The following NHSL1 variants were observed in gnomAD, a reference collection of about 807,000 sequenced individuals.
The protein encoded by NHSL1 is NHS like 1, also known as NHS-like protein 1.
A neutral mutation model predicts 95.0 loss-of-function variants in NHSL1; 48 were observed. The ratio of observed to expected loss-of-function variants is 0.51; its 90% CI spans 0.40 to 0.64. The LOEUF (loss-of-function observed/expected upper bound fraction) is 0.64. Ranked by LOEUF, NHSL1 falls within the 30% of genes least tolerant of loss-of-function variation. The probability of loss-of-function intolerance (pLI) is 0.00; values close to 1 mark genes in which losing one functional copy is unlikely to be tolerated. For synonymous variants in NHSL1, 783 were observed against 833.9 expected, an observed-to-expected ratio of 0.94 and a Z score of 1.05; for missense variants, 1,971 against 2,077.7, an observed-to-expected ratio of 0.95 and a Z score of 1.00.
chr6:138,629,631 C>A (rs1784790335), intron 1 of NHSL1, among the ~76,000 whole-genome samples: 1 of 152,236 alleles, frequency 6.6e-6, no homozygotes. Context: ...GATCCACCCA[C>A]CTTGGCCTCC....
intron 4 of NHSL1, among the ~76,000 whole-genome samples, chr6:138,445,609 G>T (rs1160146197): frequency 2.6e-5 from 4 of 152,118 alleles, no homozygotes; most frequent in Non-Finnish European, 5.9e-5. Flanking sequence ...TTTAAAATAT[G>T]AGTTCTAAAT....
chr6:138,593,702 T>G (rs183606151), intron 1 of NHSL1, among the ~76,000 whole-genome samples: 170 of 152,292 alleles, frequency 1.1e-3, no homozygotes, highest in African/African-American at 4.0e-3. Context: ...ATGGGACCTT[T>G]TAAATATTTA....
intron 1 of NHSL1, among the ~76,000 whole-genome samples, chr6:138,595,488 A>T (rs1158961193): frequency 2.0e-5 from 3 of 152,186 alleles, no homozygotes; most frequent in Non-Finnish European, 4.4e-5. Context: ...AGGTGGGAGG[A>T]TCACTTGTGC....
chr6:138,469,256 G>A (rs879309477), intron 3 of NHSL1, among the ~76,000 whole-genome samples: 7 of 152,122 alleles, frequency 4.6e-5, no homozygotes, highest in Middle Eastern at 3.2e-3. Context: ...CGTACTATGC[G>A]GATGCACACA....
upstream of NHSL1, among the ~76,000 whole-genome samples, chr6:138,573,619 T>C (rs545950928): frequency 4.6e-5 from 7 of 152,310 alleles, no homozygotes; most frequent in Non-Finnish European, 1.0e-4. Flanking sequence ...AGGCAGTTCA[T>C]ATTACACCAT....
At chr6:138,581,490 G>C (rs1006777743) in intron 1 of NHSL1, among the ~76,000 whole-genome samples, 1 of 151,730 alleles carries the variant, frequency 6.6e-6, no homozygotes, top group African/African-American at 2.4e-5. Flanking sequence ...TCAGAAGTTC[G>C]AGACCAGCCT....
intron 1 of NHSL1, among the ~76,000 whole-genome samples, chr6:138,536,576 T>C (rs1782353056): frequency 6.7e-6 from 1 of 148,876 alleles, no homozygotes; most frequent in South Asian, 2.2e-4. Flanking sequence ...ATAGATTCCG[T>C]GGTTTTGGAG....
At chr6:138,496,735 G>C (rs1780376762) in intron 1 of NHSL1, among the ~76,000 whole-genome samples, 1 of 152,122 alleles carries the variant, frequency 6.6e-6, no homozygotes, top group African/African-American at 2.4e-5. Flanking sequence ...ACAAATAGCA[G>C]TTACTCAACT....
intron 1 of NHSL1, 71 bp from the exon 2 acceptor site, chr6:138,496,442 G>T: frequency 6.8e-7 from 1 of 1,460,432 alleles, no homozygotes; most frequent in Non-Finnish European, 9.4e-7. Context: ...ATCATGATGT[G>T]TTTCCATGTC....
chr6:138,467,960 C>T (rs933435645), intron 3 of NHSL1, among the ~76,000 whole-genome samples: 1 of 152,166 alleles, frequency 6.6e-6, no homozygotes, highest in Non-Finnish European at 1.5e-5. Flanking sequence ...GTTGCCCAGG[C>T]TAGTCTTGAA....
intron 1 of NHSL1, among the ~76,000 whole-genome samples, chr6:138,525,576 TAAA>T (rs895301781): frequency 7.4e-6 from 1 of 136,040 alleles, no homozygotes; most frequent in African/African-American, 2.7e-5. Flanking sequence ...AATAAATAAA[TAAA>T]AAGGGAAAGA....
intron 3 of NHSL1, among the ~76,000 whole-genome samples, chr6:138,465,880 T>C (rs990192314): frequency 2.3e-4 from 35 of 151,442 alleles, no homozygotes; most frequent in African/African-American, 8.5e-4. Flanking sequence ...CCTGCCACCA[T>C]GCCCAGCTAA....
At chr6:138,607,463 C>T (rs1021122488) in intron 1 of NHSL1, among the ~76,000 whole-genome samples, 1 of 152,154 alleles carries the variant, frequency 6.6e-6, no homozygotes, top group Non-Finnish European at 1.5e-5. Context: ...AATATTATAG[C>T]AATGTAATTT....
intron 1 of NHSL1, among the ~76,000 whole-genome samples, chr6:138,513,550 A>C (rs1471100443): frequency 6.6e-6 from 1 of 151,936 alleles, no homozygotes; most frequent in Non-Finnish European, 1.5e-5. Context: ...TTGAAATTGG[A>C]TTTTATTTTC....
At chr6:138,468,206 G>A (rs935089254) in intron 3 of NHSL1, among the ~76,000 whole-genome samples, 2 of 152,202 alleles carry the variant, frequency 1.3e-5, no homozygotes, top group Admixed American at 6.5e-5. Flanking sequence ...TTCATGGTAA[G>A]TGCCCTATTG....
chr6:138,590,249 TG>T (rs1784205526), intron 1 of NHSL1, among the ~76,000 whole-genome samples: 1 of 152,184 alleles, frequency 6.6e-6, no homozygotes, highest in Non-Finnish European at 1.5e-5. Flanking sequence ...CCGTTGGCCT[TG>T]GCCTCCAAAA....
intron 1 of NHSL1, among the ~76,000 whole-genome samples, chr6:138,514,342 CA>C (rs1299204545): frequency 1.3e-5 from 2 of 149,246 alleles, no homozygotes; most frequent in Non-Finnish European, 3.0e-5. Flanking sequence ...AACAAACAAA[CA>C]AAACAAACTT....
chr6:138,677,915 T>G (rs1355194746), intron 1 of NHSL1, among the ~76,000 whole-genome samples: 1 of 152,162 alleles, frequency 6.6e-6, no homozygotes, highest in Non-Finnish European at 1.5e-5. Context: ...AGGCCACATT[T>G]TGAGAACCAC....
chr6:138,654,576 T>C (rs1785132504), intron 1 of NHSL1, among the ~76,000 whole-genome samples: 1 of 152,186 alleles, frequency 6.6e-6, no homozygotes, highest in Non-Finnish European at 1.5e-5. Flanking sequence ...TTCCATATCA[T>C]TCTTTTTTTT....
Sources: allele counts gnomAD v4.1 joint callset (sites outside exome capture counted in the v4.1 genomes callset), GRCh38; gene constraint gnomAD v4.1.1; transcripts MANE v1.5; gene names NCBI Gene and HGNC (gene_info 2026-07-23, HGNC 2026-07-21).